Variants in SUMF1 observed in about 807,000 individuals in gnomAD.
The protein encoded by SUMF1 is formylglycine-generating enzyme.
SUMF1 carries 48 observed loss-of-function variants against 47.6 expected under a neutral mutation model. The ratio of observed to expected loss-of-function variants is 1.01; its 90% CI spans 0.80 to 1.28. SUMF1 has a LOEUF of 1.28. Ranked by LOEUF, SUMF1 falls within the 50% of genes most tolerant of loss-of-function variation. The pLI is 0.00. For missense variants in SUMF1, 571 were observed against 485.4 expected (o/e 1.18, Z -1.66); for synonymous variants, 230 against 192.1 (o/e 1.20, Z -1.63).
intron 7 of SUMF1, among the ~76,000 whole-genome samples, chr3:4,391,137 A>G (rs541189051): frequency 6.6e-6 from 1 of 152,266 alleles, no homozygotes; most frequent in South Asian, 2.1e-4. Flanking sequence ...TCAGCTATTA[A>G]TCACATTATT....
chr3:4,349,275 T>C, intron 8 of SUMF1, among the ~76,000 whole-genome samples: 1 of 151,858 alleles, frequency 6.6e-6, no homozygotes, highest in East Asian at 1.9e-4. Flanking sequence ...ATCAGAGAAA[T>C]ACAATGAGAT....
intron 8 of SUMF1, among the ~76,000 whole-genome samples, chr3:4,191,127 T>C (rs963699732): frequency 2.6e-5 from 4 of 152,176 alleles, no homozygotes; most frequent in Non-Finnish European, 4.4e-5. Context: ...CTGAACATTC[T>C]GGCAGCAATC....
chr3:4,070,335 G>C (rs1695491379), intron 8 of SUMF1, among the ~76,000 whole-genome samples: 1 of 152,142 alleles, frequency 6.6e-6, no homozygotes, highest in African/African-American at 2.4e-5. Flanking sequence ...ATTTGGCTCA[G>C]AATCAATCTC....
intron 8 of SUMF1, among the ~76,000 whole-genome samples, chr3:4,084,297 C>T (rs553893667): frequency 6.6e-6 from 1 of 152,198 alleles, no homozygotes; most frequent in South Asian, 2.1e-4. Flanking sequence ...AATAGATTGA[C>T]TATACAGGAG....
At chr3:4,412,253 A>C (rs1294154550) in intron 6 of SUMF1, among the ~76,000 whole-genome samples, 1 of 152,256 alleles carries the variant, frequency 6.6e-6, no homozygotes, top group Non-Finnish European at 1.5e-5. Context: ...GGAGAAAAAA[A>C]GAATATACCC....
chr3:4,039,866 T>A (rs541682117), intron 9 of SUMF1, among the ~76,000 whole-genome samples: 24 of 151,982 alleles, frequency 1.6e-4, no homozygotes, highest in Admixed American at 7.9e-4. Context: ...ACAAAAAAAA[T>A]TTTCAAATTC....
chr3:4,188,032 T>C (rs1048502374), intron 8 of SUMF1, among the ~76,000 whole-genome samples: 13 of 152,094 alleles, frequency 8.5e-5, no homozygotes, highest in Admixed American at 2.0e-4. Flanking sequence ...AAGGACAGTA[T>C]GGAAATTTCT....
At chr3:4,456,260 T>G (rs1259564880) in intron 1 of SUMF1, among the ~76,000 whole-genome samples, 2 of 152,006 alleles carry the variant, frequency 1.3e-5, no homozygotes, top group Admixed American at 1.3e-4. Flanking sequence ...AACATTATAC[T>G]CAATGGGGAA....
chr3:4,069,577 T>C (rs1247941931), intron 8 of SUMF1, among the ~76,000 whole-genome samples: 1 of 152,148 alleles, frequency 6.6e-6, no homozygotes, highest in Non-Finnish European at 1.5e-5. Context: ...CATGAGCACA[T>C]GTGTGGGAGT....
chr3:4,403,812 GA>G (rs1293675790), intron 7 of SUMF1, among the ~76,000 whole-genome samples: 1 of 152,166 alleles, frequency 6.6e-6, no homozygotes, highest in Admixed American at 6.5e-5. Context: ...GGGTATCAAA[GA>G]AGGAATTCCC....
intron 8 of SUMF1, among the ~76,000 whole-genome samples, chr3:4,130,692 C>T (rs1240285445): frequency 2.0e-5 from 3 of 152,148 alleles, no homozygotes; most frequent in Non-Finnish European, 4.4e-5. Context: ...GGATAAGTTG[C>T]TGTATTTGTC....
intron 8 of SUMF1, among the ~76,000 whole-genome samples, chr3:4,183,353 AATG>A (rs1451487238): frequency 6.6e-6 from 1 of 152,130 alleles, no homozygotes; most frequent in East Asian, 1.9e-4. Flanking sequence ...TGAAGCTGTG[AATG>A]ATGCCTTTAA....
chr3:4,039,112 A>T (rs556719962), intron 9 of SUMF1, among the ~76,000 whole-genome samples: 1 of 151,978 alleles, frequency 6.6e-6, no homozygotes, highest in Admixed American at 6.6e-5. Context: ...AATTACAGAG[A>T]ATTGAAATAC....
In SUMF1 at chr3:4,114,867, C is replaced by A. The variant is rs149145191; in HGVS notation, c.1015-46122G>T. Among the ~76,000 whole-genome samples, 1,078 of 152,178 alleles carry A rather than the reference C, an allele frequency of 7.1e-3. 11 individuals are homozygous for A. The highest frequency in any genetic ancestry group is 0.027 in the South Asian group (131 of 4,810). ...TTTTCAACTTATTTAAAATATGTAG[C>A]CTTTATTTCTGAGGGAAAATATCTA... On this transcript the variant is annotated intron_variant and NMD_transcript_variant, in intron 8 of 12. Coordinates refer to the SUMF1 transcript ENST00000448413.
At position 4,121,092 on chromosome 3, in the gene SUMF1, C is replaced by T. The variant is rs73809317; in HGVS notation, c.1015-52347G>A. 6.5e-3 allele frequency among the ~76,000 whole-genome samples: 991 copies of T among 152,256 alleles called. 19 individuals are homozygous for T. Among genetic ancestry groups the T allele is most frequent in the African/African-American group, 0.023 (950 of 41,544 alleles). On this transcript the variant is annotated intron_variant and NMD_transcript_variant, in intron 8 of 12. Transcript: ENST00000448413. ...ACCAGGGTAATAAACAGCAACAACG[C>T]TGTGACCCTGGGCTAATCACATAAT...
intron 8 of SUMF1, among the ~76,000 whole-genome samples, chr3:4,230,672 T>C (rs1696278722): frequency 6.6e-6 from 1 of 152,032 alleles, no homozygotes; most frequent in Non-Finnish European, 1.5e-5. Flanking sequence ...GGTGATTAGC[T>C]CAATCTTCAG....
At chr3:4,171,230 T>A (rs565546973) in intron 8 of SUMF1, among the ~76,000 whole-genome samples, 1 of 152,146 alleles carries the variant, frequency 6.6e-6, no homozygotes, top group South Asian at 2.1e-4. Flanking sequence ...GCAAGGAGTA[T>A]TGCAGATGCT....
At chr3:4,132,802 G>C (rs923083483) in intron 8 of SUMF1, among the ~76,000 whole-genome samples, 1 of 152,074 alleles carries the variant, frequency 6.6e-6, no homozygotes, top group African/African-American at 2.4e-5. Flanking sequence ...GAAGAAATCA[G>C]TCTACTACTC....
intron 8 of SUMF1, among the ~76,000 whole-genome samples, chr3:4,100,098 T>C (rs1692999451): frequency 6.6e-6 from 1 of 151,104 alleles, no homozygotes; most frequent in Non-Finnish European, 1.5e-5. Flanking sequence ...TTCATATTAT[T>C]AAATTGTCTA....
Sources: allele counts gnomAD v4.1 joint callset (sites outside exome capture counted in the v4.1 genomes callset), GRCh38; gene constraint gnomAD v4.1.1; transcripts MANE v1.5; gene names NCBI Gene and HGNC (gene_info 2026-07-23, HGNC 2026-07-21).